The following LRMDA variants were observed in gnomAD, a reference collection of about 807,000 sequenced individuals.
LRMDA encodes the protein leucine rich melanocyte differentiation associated.
LRMDA carries 18 observed loss-of-function variants against 29.8 expected under a neutral mutation model. The ratio of observed to expected loss-of-function variants is 0.60; its 90% CI spans 0.42 to 0.90. The LOEUF is 0.90. Among genes scored for constraint, LRMDA ranks in the 40% least tolerant of loss-of-function variants. The pLI is 0.00. For synonymous variants in LRMDA, 125 were observed against 109.4 expected, an observed-to-expected ratio of 1.14 and a Z score of -0.89; for missense variants, 273 against 273.9, an observed-to-expected ratio of 1.00 and a Z score of 0.02.
At chr10:75,898,824 T>C (rs1168983026) in intron 2 of LRMDA, among the ~76,000 whole-genome samples, 2 of 152,238 alleles carry the variant, frequency 1.3e-5, no homozygotes, top group Middle Eastern at 3.2e-3. Flanking sequence ...CGGCTATTCA[T>C]GTTTTAATCT....
intron 2 of LRMDA, among the ~76,000 whole-genome samples, chr10:75,878,725 C>A (rs999514804): frequency 2.6e-5 from 4 of 152,052 alleles, no homozygotes; most frequent in African/African-American, 9.7e-5. Context: ...GGGACCCCAC[C>A]CTTCTCTACC....
At chr10:75,675,857 A>G (rs111307316) in intron 2 of LRMDA, among the ~76,000 whole-genome samples, 2,269 of 152,296 alleles carry the variant, frequency 0.015, 26 homozygotes, top group Middle Eastern at 0.034. Context: ...AATCTGATCT[A>G]TTCCGCAAGG....
chr10:76,109,881 C>A (rs1849548840), intron 5 of LRMDA, among the ~76,000 whole-genome samples: 1 of 152,148 alleles, frequency 6.6e-6, no homozygotes, highest in South Asian at 2.1e-4. Flanking sequence ...TCTTACATCA[C>A]CATCTCTGTA....
chr10:76,061,191 A>G (rs1329342534), intron 5 of LRMDA, among the ~76,000 whole-genome samples: 1 of 152,242 alleles, frequency 6.6e-6, no homozygotes, highest in Non-Finnish European at 1.5e-5. Context: ...CTATGCAGCC[A>G]TACAAAAGAA....
At chr10:75,774,966 G>T (rs1474342761) in intron 2 of LRMDA, among the ~76,000 whole-genome samples, 2 of 152,194 alleles carry the variant, frequency 1.3e-5, no homozygotes, top group Non-Finnish European at 2.9e-5. Flanking sequence ...GGGAGGTGTG[G>T]GGGAGGATCC....
intron 5 of LRMDA, among the ~76,000 whole-genome samples, chr10:76,168,913 G>A (rs991256074): frequency 6.6e-6 from 1 of 152,164 alleles, no homozygotes; most frequent in Non-Finnish European, 1.5e-5. Context: ...AAGCCAATAA[G>A]TAAGACAGAA....
At chr10:75,959,493 ATGCACATG>A (rs1018372944) in intron 2 of LRMDA, among the ~76,000 whole-genome samples, 2 of 148,082 alleles carry the variant, frequency 1.4e-5, no homozygotes, top group African/African-American at 5.1e-5. Flanking sequence ...AAGCACACAT[ATGCACATG>A]TGCGCGCACG....
intron 2 of LRMDA, among the ~76,000 whole-genome samples, chr10:75,710,387 G>A (rs573408253): frequency 1.3e-5 from 2 of 152,266 alleles, no homozygotes; most frequent in Admixed American, 6.5e-5. Context: ...ACGGTTAATA[G>A]CAATCATTTG....
intron 2 of LRMDA, among the ~76,000 whole-genome samples, chr10:75,793,469 C>T (rs1843602302): frequency 6.6e-6 from 1 of 152,174 alleles, no homozygotes; most frequent in South Asian, 2.1e-4. Context: ...TGGAAATGAA[C>T]ACCTGGACTG....
chr10:75,926,156 T>C (rs1846116802), intron 2 of LRMDA, among the ~76,000 whole-genome samples: 1 of 152,186 alleles, frequency 6.6e-6, no homozygotes, highest in South Asian at 2.1e-4. Flanking sequence ...GTTGTGCCTC[T>C]ATTATTCTTG....
chr10:75,600,917 T>C (rs745916093), intron 2 of LRMDA, among the ~76,000 whole-genome samples: 19 of 152,342 alleles, frequency 1.2e-4, no homozygotes, highest in African/African-American at 3.6e-4. Flanking sequence ...CTTGAAATTA[T>C]AGTGTTTGGT....
intron 2 of LRMDA, among the ~76,000 whole-genome samples, chr10:75,451,950 G>A (rs146146734): frequency 1.5e-4 from 23 of 151,982 alleles, no homozygotes; most frequent in African/African-American, 5.1e-4. Flanking sequence ...AGGTGGTGCT[G>A]TGCTGGATAG....
intron 2 of LRMDA, among the ~76,000 whole-genome samples, chr10:75,748,398 T>C (rs181651239): frequency 2.6e-5 from 4 of 152,368 alleles, no homozygotes; most frequent in Admixed American, 2.6e-4. Flanking sequence ...CTGGCCTGTT[T>C]AGTGATTTAA....
At chr10:75,862,455 A>G (rs1196783901) in intron 2 of LRMDA, among the ~76,000 whole-genome samples, 3 of 152,164 alleles carry the variant, frequency 2.0e-5, no homozygotes, top group Admixed American at 6.5e-5. Context: ...CCCTCAATCC[A>G]GAAGAGGCCA....
intron 2 of LRMDA, among the ~76,000 whole-genome samples, chr10:75,925,559 G>A (rs911713921): frequency 1.7e-5 from 2 of 118,708 alleles, no homozygotes; most frequent in Non-Finnish European, 3.6e-5. Context: ...TTTGGAGGGG[G>A]GGAGCTTCTT....
At chr10:75,864,206 CT>C (rs1423791080) in intron 2 of LRMDA, among the ~76,000 whole-genome samples, 1 of 152,146 alleles carries the variant, frequency 6.6e-6, no homozygotes, top group South Asian at 2.1e-4. Context: ...CTCTAAAACT[CT>C]ATAGTAAATG....
At chr10:76,302,216 T>C (rs1564716616) in intron 5 of LRMDA, among the ~76,000 whole-genome samples, 3 of 152,264 alleles carry the variant, frequency 2.0e-5, no homozygotes, top group Middle Eastern at 3.4e-3. Flanking sequence ...TTAGTAGCCT[T>C]GCTGGAGGGA....
chr10:76,094,352 T>C (rs781521105), intron 5 of LRMDA, among the ~76,000 whole-genome samples: 5 of 152,234 alleles, frequency 3.3e-5, no homozygotes, highest in Admixed American at 2.0e-4. Flanking sequence ...ATATATTAAC[T>C]GTTAGAATTT....
chr10:76,494,440 C>A (rs1034862677), intron 6 of LRMDA, among the ~76,000 whole-genome samples: 21 of 150,830 alleles, frequency 1.4e-4, no homozygotes, highest in African/African-American at 4.9e-4. Context: ...CCCTTATTAT[C>A]CCTTAAATTT....
Sources: gnomAD v4.1 joint callset for allele counts (sites outside exome capture counted in the v4.1 genomes callset) on GRCh38, gnomAD v4.1.1 for gene constraint, MANE v1.5 for transcripts, NCBI Gene and HGNC (gene_info 2026-07-23, HGNC 2026-07-21) for gene names.